The following SYT10 variants were observed in gnomAD, a reference collection of about 807,000 sequenced individuals.
SYT10 encodes the protein synaptotagmin-10.
A neutral mutation model predicts 51.1 loss-of-function variants in SYT10; 31 were observed. The ratio of observed to expected loss-of-function variants is 0.61; its 90% confidence interval spans 0.46 to 0.82. The LOEUF is 0.82. SYT10 is among the 40% of genes least tolerant of loss of function. SYT10 has a pLI of 0.00. For synonymous variants in SYT10, 233 were observed against 225.9 expected (o/e 1.03, Z -0.28); for missense variants, 603 against 634.0 (o/e 0.95, Z 0.53).
intron 3 of SYT10, among the ~76,000 whole-genome samples, chr12:33,390,841 T>C (rs2138394886): frequency 6.6e-6 from 1 of 152,340 alleles, no homozygotes; most frequent in African/African-American, 2.4e-5. Context: ...TTGGACAAGT[T>C]ACTTAACCTT....
intron 2 of SYT10, among the ~76,000 whole-genome samples, chr12:33,411,086 G>A (rs567841952): frequency 6.6e-6 from 1 of 152,256 alleles, no homozygotes; most frequent in African/African-American, 2.4e-5. Flanking sequence ...GTAAGCAGGT[G>A]CTAAAATTAA....
chr12:33,411,480 T>C (rs1046525096), intron 2 of SYT10, among the ~76,000 whole-genome samples: 4 of 152,038 alleles, frequency 2.6e-5, no homozygotes, highest in African/African-American at 9.7e-5. Flanking sequence ...ATGATATATT[T>C]TATTGGAAAT....
chr12:33,398,122 G>C (rs971713704), intron 3 of SYT10, among the ~76,000 whole-genome samples: 1 of 152,142 alleles, frequency 6.6e-6, no homozygotes, highest in African/African-American at 2.4e-5. Context: ...AATCCTCAAT[G>C]AATGTGTGAA....
At chr12:33,439,037 C>G (rs1488623847) in intron 1 of SYT10, among the ~76,000 whole-genome samples, 1 of 152,238 alleles carries the variant, frequency 6.6e-6, no homozygotes, top group African/African-American at 2.4e-5. Flanking sequence ...GGCGCCGTCA[C>G]CGCCCGCACT....
At position 33,407,307 on chromosome 12, in the gene SYT10, C is replaced by T. The variant is rs1193108834; in HGVS notation, c.559G>A (p.Val187Ile). Residue 187 changes from valine (V) to isoleucine (I), a missense_variant, in exon 3 of 7, where the codon GTT becomes ATT. Physicochemically the swap from Val to Ile is conservative, Grantham distance 29. Coordinates refer to ENST00000228567, the MANE Select transcript of SYT10 (RefSeq NM_198992.4). ...GGTTCTGTGCCCATGCTAAAATCAA[C>T]ACTGGAAACCTGCATTTGCCTCGGC... Reference protein sequence around the residue: ...HLPRQMQVSSVDFSMGTEPVL... With the variant: ...HLPRQMQVSSIDFSMGTEPVL... The T allele has an allele frequency of 6.2e-7, 1 of 1,610,836 alleles. No individual in the cohort carries two copies. Among genetic ancestry groups the T allele is most frequent in the South Asian group, 1.1e-5 (1 of 91,080 alleles).
At chr12:33,401,811 T>A (rs1866309500) in intron 3 of SYT10, among the ~76,000 whole-genome samples, 1 of 152,226 alleles carries the variant, frequency 6.6e-6, no homozygotes, top group South Asian at 2.1e-4. Flanking sequence ...TAATCTCATA[T>A]GAAAATTTGC....
rs549981585 is a variant in SYT10 at position 33,377,957 on chromosome 12, AGTCTTTGTT to A, written c.1501-1065_1501-1057del. Reference sequence around the variant, plus strand: ...AACCCGATTTTCTACATGATACTTTAGTCTTTGTTGTACCAATGGACACAACTCTCAAAT... The same window carrying A: ...AACCCGATTTTCTACATGATACTTTAGTACCAATGGACACAACTCTCAAAT... On this transcript the variant is annotated intron_variant, in intron 6 of 6. Coordinates refer to ENST00000228567, the MANE Select transcript of SYT10 (RefSeq NM_198992.4). Among the ~76,000 whole-genome samples, 45 of 152,252 alleles carry A rather than the reference AGTCTTTGTT, an allele frequency of 3.0e-4. No individual in the cohort carries two copies. In the East Asian group the frequency reaches 8.3e-3, roughly 28 times the overall value.
At chr12:33,404,280 C>T (rs2138412073) in intron 3 of SYT10, among the ~76,000 whole-genome samples, 1 of 152,280 alleles carries the variant, frequency 6.6e-6, no homozygotes, top group Non-Finnish European at 1.5e-5. Flanking sequence ...CCTCTAGAGT[C>T]AGGAAAATCC....
rs754558009 is a variant in SYT10, at chr12:33,426,456, C to T, written c.191G>A (p.Cys64Tyr). Reference sequence around the variant, plus strand: ...TGAGACAACCAACAAGGCCAGTCCACAAAAGCTGACAACGACAGCTAACAG... The same window carrying T: ...TGAGACAACCAACAAGGCCAGTCCATAAAAGCTGACAACGACAGCTAACAG... ...VSLLAVVVSF[C>Y]GLALLVVSLF... The change falls in exon 2 of 7, where the codon TGT (cysteine) becomes TAT (tyrosine). Residue 64 changes from cysteine to tyrosine, a missense_variant. Coordinates refer to ENST00000228567, the MANE Select transcript of SYT10 (RefSeq NM_198992.4). 2.5e-6 allele frequency: 4 copies of T among 1,603,950 alleles called. No individual in the cohort carries two copies. In the East Asian group the frequency reaches 6.7e-5, roughly 27 times the overall value.
chr12:33,409,032 C>CA (rs1866382900), intron 2 of SYT10, among the ~76,000 whole-genome samples: 1 of 149,342 alleles, frequency 6.7e-6, no homozygotes, highest in Non-Finnish European at 1.5e-5. Context: ...CTTCAGCTGG[C>CA]TTTTTTTTTT....
intron 2 of SYT10, among the ~76,000 whole-genome samples, chr12:33,417,301 T>A (rs1317324347): frequency 6.6e-6 from 1 of 151,388 alleles, no homozygotes; most frequent in Non-Finnish European, 1.5e-5. Context: ...TTGTGGATGA[T>A]CTCGGGAGTG....
chr12:33,382,485 G>T lies in SYT10; in HGVS notation c.1234C>A (p.Arg412=). 6.2e-7 allele frequency: 1 copy of T among 1,612,246 alleles called. No individual in the cohort carries two copies. Among genetic ancestry groups the T allele is most frequent in the Non-Finnish European group, 8.5e-7 (1 of 1,179,048 alleles). ...GTTGTTTTCCTCTTTTTTAATCTTC[G>T]ACCTTCACACATCAGGGACACTTTG... ...YVKVSLMCEG[R]RLKKRKTTTK... The change falls in exon 5 of 7, where the codon CGA becomes AGA. Residue 412 remains arginine, a synonymous_variant. Coordinates refer to ENST00000228567, the MANE Select transcript of SYT10 (RefSeq NM_198992.4).
intron 2 of SYT10, among the ~76,000 whole-genome samples, chr12:33,422,485 T>A (rs1186904660): frequency 6.6e-6 from 1 of 152,118 alleles, no homozygotes; most frequent in South Asian, 2.1e-4. Context: ...AGAACTCCTC[T>A]GCTACAAATA....
chr12:33,398,628 C>T (rs371544383), intron 3 of SYT10, among the ~76,000 whole-genome samples: 113 of 152,208 alleles, frequency 7.4e-4, no homozygotes, highest in African/African-American at 2.6e-3. Flanking sequence ...AAAAATGTAA[C>T]ACTTAAAATT....
rs762369756 is a variant in SYT10, at chr12:33,382,541, T to G, written c.1199-21A>C. 4 of 1,562,452 alleles carry G rather than the reference T, an allele frequency of 2.6e-6. No homozygotes were observed. In the African/African-American group the frequency reaches 5.5e-5, roughly 22 times the overall value. Reference sequence around the variant, plus strand: ...AGGATCTAGGAATAAGAAGATAACTTTATTAAAATAAAAGTAATAGTACAA... The same window carrying G: ...AGGATCTAGGAATAAGAAGATAACTGTATTAAAATAAAAGTAATAGTACAA... On this transcript the variant is annotated intron_variant, in intron 4 of 6. Coordinates refer to ENST00000228567, the MANE Select transcript of SYT10 (RefSeq NM_198992.4).
intron 3 of SYT10, chr12:33,404,744 T>C (rs1866337105): frequency 6.6e-6 from 1 of 152,228 alleles, no homozygotes; most frequent in South Asian, 2.1e-4. Flanking sequence ...ACTACATTTG[T>C]GGTAATTTCT....
chr12:33,391,664 A>C (rs971922483), intron 3 of SYT10, among the ~76,000 whole-genome samples: 1 of 152,194 alleles, frequency 6.6e-6, no homozygotes, highest in African/African-American at 2.4e-5. Context: ...GGTTGCAGTT[A>C]TATTTAAAAG....
In SYT10 at chr12:33,426,407, A is replaced by T. The variant is rs759681647; in HGVS notation, c.240T>A (p.Cys80Ter). 6.2e-7 allele frequency: 1 copy of T among 1,614,134 alleles called. No homozygotes were observed. Among genetic ancestry groups the T allele is most frequent in the South Asian group, 1.1e-5 (1 of 91,074 alleles). Residue 80 changes from cysteine (C) to a stop codon, truncating the protein, a stop_gained, in exon 2 of 7, where the codon TGT (cysteine) becomes TGA (stop). Transcript: ENST00000228567. LOFTEE classifies it high-confidence loss of function. ...VVSLFVFWKL[C>*]WPCWKSKPVT... ...CAGGTTTGCTTTTCCAGCATGGCCAACACAGCTTCCAGAAGACAAAAAGTG... is the reference window on the plus strand; with the variant it reads ...CAGGTTTGCTTTTCCAGCATGGCCATCACAGCTTCCAGAAGACAAAAAGTG...
rs777388386 is a variant in SYT10, at chr12:33,406,793, G to C, written c.1073C>G (p.Thr358Ser). 3 of 1,602,320 alleles carry C rather than the reference G, an allele frequency of 1.9e-6. No homozygotes were observed. The highest frequency in any genetic ancestry group is 1.1e-5 in the South Asian group (1 of 89,488). The change falls in exon 3 of 7, where the codon ACC becomes AGC. Residue 358 changes from threonine (T) to serine (S), a missense_variant. Thr to Ser is a moderately conservative substitution (Grantham distance 58). Transcript: ENST00000228567. ...ATTGGTGGAATTACTACTTACTGTG[G>C]TAGCACAGTGAATATCTTTCCATAC... ...ATVWKDIHCATTESIDLGEIM... is the reference protein window; with the variant it reads ...ATVWKDIHCASTESIDLGEIM...
Sources: allele counts gnomAD v4.1 joint callset (sites outside exome capture counted in the v4.1 genomes callset), GRCh38; gene constraint gnomAD v4.1.1; transcripts MANE v1.5; gene names NCBI Gene and HGNC (gene_info 2026-07-23, HGNC 2026-07-21).